The following KIF11 variants were observed in gnomAD, a reference collection of about 807,000 sequenced individuals.
KIF11 encodes the protein kinesin family member 11.
KIF11 carries 9 observed loss-of-function variants against 121.0 expected under a neutral mutation model. The observed-to-expected ratio is 0.07, with a 90% CI of 0.04 to 0.13. KIF11 has a LOEUF of 0.13. Ranked by LOEUF, KIF11 falls within the 10% of genes least tolerant of loss-of-function variation. KIF11 has a pLI of 1.00. For missense variants in KIF11, 846 were observed against 1,217.5 expected, an observed-to-expected ratio of 0.69 and a Z score of 4.54; for synonymous variants, 408 against 421.0, an observed-to-expected ratio of 0.97 and a Z score of 0.38.
intron 1 of KIF11, among the ~76,000 whole-genome samples, chr10:92,602,825 C>CACATGTGT (rs1457102223): frequency 8.2e-6 from 1 of 122,382 alleles, no homozygotes; most frequent in African/African-American, 3.6e-5. Context: ...CACACACACA[C>CACATGTGT]GTGTGTGTGT....
rs541437843 is a variant in KIF11 at position 92,604,339 on chromosome 10, G to A, written c.78-1926G>A. On this transcript the variant is annotated intron_variant, in intron 1 of 21. Transcript: ENST00000260731. ...TTCATTTGGTAACTTAATTTTATAC[G>A]TCCAGGCAAGATACTAGTTTAGGGG... 1.2e-4 allele frequency among the ~76,000 whole-genome samples: 19 copies of A among 152,162 alleles called. No individual in the cohort carries two copies. In the South Asian group the frequency reaches 2.9e-3, roughly 23 times the overall value.
Position 92,613,241 on chromosome 10 carries a change from G to A in KIF11, c.789+111G>A. The A allele has an allele frequency of 9.4e-7, 1 of 1,065,938 alleles. No homozygotes were observed. Among genetic ancestry groups the A allele is most frequent in the South Asian group, 1.6e-5 (1 of 62,022 alleles). 66.0% of individuals were successfully genotyped at this position (1,065,938 alleles called of 1,614,324 possible). ...TGGTCACTGGGTGATTAGCTTTGTA[G>A]TGGGAGAAGAAATTTGTTAATTACA... On this transcript the variant is annotated intron_variant, in intron 7 of 21. Transcript: ENST00000260731. This position sits in a 1 kb window ranked among gnomAD's most constrained non-coding sequence, Gnocchi z 4.2.
chr10:92,639,672 C>G (rs1589605053), intron 16 of KIF11, 122 bp from the exon 17 acceptor site: 2 of 581,516 alleles, frequency 3.4e-6, no homozygotes, highest in Non-Finnish European at 3.1e-6. Context: ...TTAACTTTAT[C>G]TCTTGTCAAG....
intron 14 of KIF11, among the ~76,000 whole-genome samples, chr10:92,634,357 C>T (rs1313910728): frequency 6.6e-6 from 1 of 151,600 alleles, no homozygotes; most frequent in Non-Finnish European, 1.5e-5. Flanking sequence ...GCAACCTCTG[C>T]CTCCTGGGTT....
chr10:92,637,249 A>T lies in KIF11; in HGVS notation c.1941A>T (p.Ile647=), dbSNP rs568518892. 8.0e-5 allele frequency: 127 copies of T among 1,589,576 alleles called. No individual in the cohort carries two copies. In the South Asian group the frequency reaches 1.4e-3, roughly 18 times the overall value. The change falls in exon 15 of 22, where the codon ATA becomes ATT. Residue 647 remains isoleucine, a synonymous_variant. Coordinates refer to ENST00000260731, the MANE Select transcript of KIF11 (RefSeq NM_004523.4). ...TTTTATCCCCAACTGTGGTGTCTAT[A>T]CTGAAAATCAATAGTCAACTAAAGC... The part of the protein sequence containing the change: ...EMILSPTVVS[I]LKINSQLKHI...
chr10:92,618,728 T>C (rs1003631243), intron 9 of KIF11, among the ~76,000 whole-genome samples: 1 of 152,054 alleles, frequency 6.6e-6, no homozygotes, highest in African/African-American at 2.4e-5. Flanking sequence ...CACGGGGATA[T>C]TGATATTAAT....
intron 9 of KIF11, among the ~76,000 whole-genome samples, chr10:92,619,944 T>G (rs1274593738): frequency 1.3e-5 from 2 of 151,866 alleles, no homozygotes; most frequent in Non-Finnish European, 2.9e-5. Context: ...TTCTTTGTAT[T>G]TTCTTTGTAA....
In KIF11 at chr10:92,648,100, C is replaced by T. The variant is rs143177285; in HGVS notation, c.2548-112C>T. The T allele has an allele frequency of 0.081, 53,425 of 657,532 alleles. 2,463 individuals are homozygous for T. Among genetic ancestry groups the T allele is most frequent in the Non-Finnish European group, 0.089 (37,609 of 420,454 alleles). 40.7% of individuals were successfully genotyped at this position (657,532 alleles called of 1,614,324 possible). On this transcript the variant is annotated intron_variant, in intron 18 of 21. Transcript: ENST00000260731. ...CTCCAGCCTGGGCAACAGAGTGAGA[C>T]TTGTCTCCAAAAAAAAAAAAAATTA...
chr10:92,628,456 T>A (rs1270384190), intron 10 of KIF11, among the ~76,000 whole-genome samples: 1 of 152,180 alleles, frequency 6.6e-6, no homozygotes, highest in Non-Finnish European at 1.5e-5. Context: ...ACACTTAGGT[T>A]GCATTCCCTC....
intron 1 of KIF11, among the ~76,000 whole-genome samples, chr10:92,603,967 G>A (rs1314795161): frequency 6.6e-6 from 1 of 152,018 alleles, no homozygotes; most frequent in Admixed American, 6.6e-5. Flanking sequence ...CTATCACATA[G>A]TAAGTACTTG....
intron 17 of KIF11, among the ~76,000 whole-genome samples, chr10:92,644,358 C>T (rs957774113): frequency 2.0e-5 from 3 of 152,096 alleles, no homozygotes; most frequent in African/African-American, 7.2e-5. Flanking sequence ...CTCTGTCGCC[C>T]AGGCTGGAGT....
chr10:92,627,315 A>G (rs1844691082), intron 10 of KIF11, among the ~76,000 whole-genome samples: 1 of 152,240 alleles, frequency 6.6e-6, no homozygotes, highest in African/African-American at 2.4e-5. Flanking sequence ...AATACTCAAG[A>G]AATCAGAGAC....
chr10:92,622,242 C>T (rs761093983), intron 10 of KIF11, among the ~76,000 whole-genome samples: 11 of 151,850 alleles, frequency 7.2e-5, no homozygotes, highest in Non-Finnish European at 1.5e-4. Flanking sequence ...CCATTGCACT[C>T]CAGCCTGGGC....
rs891525668 is a variant in KIF11 at position 92,653,795 on chromosome 10, A to G, written c.3170A>G (p.Ter1057=). 3 of 1,606,446 alleles carry G rather than the reference A, an allele frequency of 1.9e-6. No individual in the cohort carries two copies. The highest frequency in any genetic ancestry group is 2.5e-6 in the Non-Finnish European group (3 of 1,178,250). ...CCTCTGCGAGCCCAGATCAACCTTT[A>G]ATTCACTTGGGGGTTGGCAATTTTA... ...RLPLRAQINL[*] Residue 1057 remains the stop codon, a stop_retained_variant, in exon 22 of 22, where the codon TAA becomes TGA. Transcript: ENST00000260731.
chr10:92,596,674 G>A (rs1844300464), intron 1 of KIF11, among the ~76,000 whole-genome samples: 1 of 152,034 alleles, frequency 6.6e-6, no homozygotes, highest in Admixed American at 6.6e-5. Flanking sequence ...TATCTTTGGA[G>A]AAATGTCTGT....
intron 10 of KIF11, among the ~76,000 whole-genome samples, chr10:92,626,125 G>A (rs1233519794): frequency 6.6e-6 from 1 of 152,134 alleles, no homozygotes; most frequent in Non-Finnish European, 1.5e-5. Context: ...GCAGTCCTAA[G>A]CAAAAAGAAC....
chr10:92,607,075 C>CT (rs1844438319), intron 3 of KIF11, 84 bp from the exon 4 acceptor site: 4 of 814,536 alleles, frequency 4.9e-6, no homozygotes, highest in African/African-American at 1.7e-5. Context: ...CTGTGCCTGG[C>CT]TTGTTTTTTG....
chr10:92,635,876 A>G (rs768797301), intron 14 of KIF11, among the ~76,000 whole-genome samples: 106 of 152,240 alleles, frequency 7.0e-4, no homozygotes, highest in Non-Finnish European at 1.3e-3. Flanking sequence ...TGCTCTCACA[A>G]AATTAGTTGA....
intron 10 of KIF11, among the ~76,000 whole-genome samples, chr10:92,621,837 A>T (rs1040189837): frequency 2.0e-5 from 3 of 149,330 alleles, no homozygotes; most frequent in African/African-American, 7.7e-5. Flanking sequence ...TTTGACATTA[A>T]CAAGTAGCTA....
Sources: gnomAD v4.1 joint callset for allele counts (sites outside exome capture counted in the v4.1 genomes callset) on GRCh38, gnomAD v4.1.1 for gene constraint, Gnocchi (gnomAD v3.1) non-coding constraint, MANE v1.5 for transcripts, NCBI Gene and HGNC (gene_info 2026-07-23, HGNC 2026-07-21) for gene names.